The following KLHL32 variants were observed in gnomAD, a reference collection of about 807,000 sequenced individuals.
KLHL32 encodes kelch-like protein 32.
In KLHL32, 35 loss-of-function variants were observed where a neutral mutation model predicts 64.8. That is an observed-to-expected ratio of 0.54 (90% CI 0.41 to 0.72). KLHL32 has a LOEUF of 0.72. Among genes scored for constraint, KLHL32 ranks in the 30% least tolerant of loss-of-function variants. The probability of loss-of-function intolerance (pLI) is 0.00; values close to 1 mark genes in which losing one functional copy is unlikely to be tolerated. For missense variants in KLHL32, 589 were observed against 768.5 expected (o/e 0.77, Z 2.76); for synonymous variants, 259 against 281.0 (o/e 0.92, Z 0.78).
chr6:97,136,657 T>A (rs1800051067), intron 10 of KLHL32, among the ~76,000 whole-genome samples: 1 of 152,236 alleles, frequency 6.6e-6, no homozygotes, highest in Admixed American at 6.5e-5. Flanking sequence ...ACTGTTATCT[T>A]CATTTACTAT....
chr6:97,017,960 G>A (rs890188143), intron 3 of KLHL32, among the ~76,000 whole-genome samples: 20 of 152,280 alleles, frequency 1.3e-4, no homozygotes, highest in African/African-American at 4.3e-4. Flanking sequence ...ACTATGCTGT[G>A]TCATGAGTGA....
intron 3 of KLHL32, among the ~76,000 whole-genome samples, chr6:97,031,295 T>C (rs1353516426): frequency 2.6e-5 from 4 of 152,300 alleles, no homozygotes; most frequent in African/African-American, 9.6e-5. Context: ...TTTTAATCTT[T>C]AGATTAGTTC....
intron 3 of KLHL32, among the ~76,000 whole-genome samples, chr6:96,993,905 A>G (rs553053817): frequency 1.3e-5 from 2 of 152,252 alleles, no homozygotes; most frequent in Admixed American, 6.5e-5. Context: ...TATAATGAGT[A>G]GCAAACATGT....
At chr6:96,957,478 T>A (rs1422121115) in intron 1 of KLHL32, among the ~76,000 whole-genome samples, 2 of 152,216 alleles carry the variant, frequency 1.3e-5, no homozygotes, top group Non-Finnish European at 2.9e-5. Context: ...ACTCAAGATC[T>A]ACATTGTGTC....
intron 1 of KLHL32, among the ~76,000 whole-genome samples, chr6:96,928,026 C>T (rs933149414): frequency 2.0e-5 from 3 of 152,222 alleles, no homozygotes; most frequent in African/African-American, 4.8e-5. Flanking sequence ...TTCAGCTGCT[C>T]TTCTCTTTTC....
At chr6:96,959,718 A>T (rs1440225460) in intron 1 of KLHL32, among the ~76,000 whole-genome samples, 1 of 152,160 alleles carries the variant, frequency 6.6e-6, no homozygotes, top group Non-Finnish European at 1.5e-5. Context: ...AGACACTAGC[A>T]TGCGGTGGTT....
Position 97,003,485 on chromosome 6 carries a change from G to A in KLHL32, c.204+27308G>A, listed in dbSNP as rs1452141942. Among the ~76,000 whole-genome samples, 3 of 152,228 alleles carry A rather than the reference G, an allele frequency of 2.0e-5. No homozygotes were observed. In the East Asian group the frequency reaches 5.8e-4, roughly 29 times the overall value. On this transcript the variant is annotated intron_variant, in intron 3 of 10. Transcript: ENST00000369261. Reference sequence around the variant, plus strand: ...TGATAGTTTCTTTTGCTATGCAGAAGCTATTTAGTTTAATTAGTCATTTAT... The same window carrying A: ...TGATAGTTTCTTTTGCTATGCAGAAACTATTTAGTTTAATTAGTCATTTAT...
At chr6:97,037,597 C>A (rs1737637) in intron 3 of KLHL32, among the ~76,000 whole-genome samples, 23,525 of 151,978 alleles carry the variant, frequency 0.15, 2,261 homozygotes, top group African/African-American at 0.28. Flanking sequence ...GCTAAAATAA[C>A]AATACTATCC....
Position 97,064,728 on chromosome 6 carries a change from T to C in KLHL32, c.411+2T>C. 6.2e-7 allele frequency: 1 copy of C among 1,609,110 alleles called. No homozygotes were observed. Among genetic ancestry groups the C allele is most frequent in the Non-Finnish European group, 8.5e-7 (1 of 1,175,490 alleles). ...TTATGCTCCCACTATCTCATCCAGG[T>C]ATGTGAGCTTGCATCCTGCTCATAC... On this transcript the variant is annotated splice_donor_variant, in intron 5 of 10. Coordinates refer to ENST00000369261, the MANE Select transcript of KLHL32 (RefSeq NM_052904.4). LOFTEE classifies it high-confidence loss of function.
intron 3 of KLHL32, among the ~76,000 whole-genome samples, chr6:97,020,460 G>A (rs1013732160): frequency 6.6e-6 from 1 of 150,692 alleles, no homozygotes. Context: ...GGCCTATTTT[G>A]TTGACAAAAT....
chr6:97,033,966 T>TC (rs1783945661), intron 3 of KLHL32, among the ~76,000 whole-genome samples: 1 of 152,158 alleles, frequency 6.6e-6, no homozygotes, highest in East Asian at 1.9e-4. Flanking sequence ...CAAATATTTT[T>TC]CCCATTCTGT....
At chr6:97,055,260 A>C (rs1691301950) in intron 4 of KLHL32, among the ~76,000 whole-genome samples, 1 of 152,180 alleles carries the variant, frequency 6.6e-6, no homozygotes, top group African/African-American at 2.4e-5. Context: ...AGAAAATAGA[A>C]ACAGAAAGGA....
chr6:97,068,974 C>A (rs1037756919), intron 5 of KLHL32, among the ~76,000 whole-genome samples: 6 of 152,114 alleles, frequency 3.9e-5, no homozygotes, highest in Non-Finnish European at 1.5e-5. Context: ...ATGTGAGAGG[C>A]TGGGACGCAA....
intron 3 of KLHL32, among the ~76,000 whole-genome samples, chr6:97,002,504 C>T (rs73497008): frequency 0.086 from 13,119 of 152,216 alleles, 1,201 homozygotes; most frequent in Admixed American, 0.22. Flanking sequence ...GGTCAGGGTA[C>T]ATGTGCAGGT....
chr6:97,031,578 A>G (rs1006705682), intron 3 of KLHL32, among the ~76,000 whole-genome samples: 5 of 151,956 alleles, frequency 3.3e-5, no homozygotes, highest in African/African-American at 9.7e-5. Flanking sequence ...CCTCAAGTGA[A>G]CTTCTAGCCT....
intron 4 of KLHL32, among the ~76,000 whole-genome samples, chr6:97,056,084 T>TTA: frequency 7.7e-6 from 1 of 130,496 alleles, no homozygotes; most frequent in Admixed American, 8.1e-5. Flanking sequence ...AGCCTCCCTT[T>TTA]TCTTTTTTTT....
chr6:96,924,090 T>C (rs1275779085), upstream of KLHL32, among the ~76,000 whole-genome samples: 1 of 152,170 alleles, frequency 6.6e-6, no homozygotes, highest in Non-Finnish European at 1.5e-5. Context: ...CTCTGGCGGG[T>C]TGGTTCCCCT....
At position 97,122,053 on chromosome 6, in the gene KLHL32, G is replaced by T. The variant is rs59986399; in HGVS notation, c.1355-5351G>T. Reference sequence around the variant, plus strand: ...TGGGAGTTAGAGTGAATATTATTGAGATTATAAAGGGCAGGTGAATCTAAT... The same window carrying T: ...TGGGAGTTAGAGTGAATATTATTGATATTATAAAGGGCAGGTGAATCTAAT... On this transcript the variant is annotated intron_variant, in intron 7 of 10. Transcript: ENST00000369261. 2.4e-3 allele frequency among the ~76,000 whole-genome samples: 359 copies of T among 152,304 alleles called. 2 individuals are homozygous for T. Among genetic ancestry groups the T allele is most frequent in the African/African-American group, 8.3e-3 (344 of 41,564 alleles).
At chr6:96,984,283 G>C (rs901114644) in intron 3 of KLHL32, among the ~76,000 whole-genome samples, 3 of 152,172 alleles carry the variant, frequency 2.0e-5, no homozygotes, top group African/African-American at 7.2e-5. Context: ...ATTTGCTGAG[G>C]AGTGCTTTAC....
Sources: gnomAD v4.1 joint callset for allele counts (sites outside exome capture counted in the v4.1 genomes callset) on GRCh38, gnomAD v4.1.1 for gene constraint, MANE v1.5 for transcripts, NCBI Gene and HGNC (gene_info 2026-07-23, HGNC 2026-07-21) for gene names.